CPNE4: variants seen among roughly 807,000 people sequenced by gnomAD.
The protein encoded by CPNE4 is copine 4, also known as copine-4.
CPNE4 carries 25 observed loss-of-function variants against 67.9 expected under a neutral mutation model. The observed-to-expected ratio is 0.37, with a 90% CI of 0.27 to 0.51. The LOEUF (loss-of-function observed/expected upper bound fraction) is 0.51. Among genes scored for constraint, CPNE4 ranks in the 20% least tolerant of loss-of-function variants. CPNE4 has a pLI of 0.93. For synonymous variants in CPNE4, 242 were observed against 244.9 expected (o/e 0.99, Z 0.11); for missense variants, 464 against 690.8 (o/e 0.67, Z 3.68).
intron 7 of CPNE4, among the ~76,000 whole-genome samples, chr3:131,614,221 C>T (rs750950753): frequency 8.5e-5 from 13 of 152,170 alleles, no homozygotes; most frequent in Non-Finnish European, 2.9e-5. Context: ...ATTCATTAAA[C>T]CCAACATGTC....
intron 2 of CPNE4, among the ~76,000 whole-genome samples, chr3:131,890,849 C>T (rs2088085867): frequency 1.3e-5 from 2 of 152,068 alleles, no homozygotes; most frequent in Admixed American, 1.3e-4. Context: ...AAGCCAGTCA[C>T]AGGACAAACA....
chr3:131,680,567 C>T (rs1038244653), intron 6 of CPNE4, among the ~76,000 whole-genome samples: 2 of 151,790 alleles, frequency 1.3e-5, no homozygotes, highest in Non-Finnish European at 1.5e-5. Flanking sequence ...TTTTAATTTC[C>T]TTTCATAGAA....
chr3:131,680,390 C>G (rs1249083331), intron 6 of CPNE4, among the ~76,000 whole-genome samples: 4 of 151,720 alleles, frequency 2.6e-5, no homozygotes, highest in Non-Finnish European at 5.9e-5. Context: ...CAACTGACAA[C>G]AACTCAACAC....
chr3:131,637,071 A>G (rs1326583960), intron 7 of CPNE4, among the ~76,000 whole-genome samples: 2 of 152,194 alleles, frequency 1.3e-5, no homozygotes, highest in Non-Finnish European at 2.9e-5. Flanking sequence ...TTCCTCTGAC[A>G]TAGTCTACCC....
intron 3 of CPNE4, among the ~76,000 whole-genome samples, chr3:131,708,534 T>A (rs79369566): frequency 0.14 from 20,777 of 151,996 alleles, 1,640 homozygotes; most frequent in African/African-American, 0.2. Context: ...AGTGAGGCAG[T>A]CTTCCAAGCT....
intron 2 of CPNE4, among the ~76,000 whole-genome samples, chr3:131,801,405 TAC>T (rs1491149576): frequency 4.7e-5 from 5 of 107,022 alleles, no homozygotes; most frequent in African/African-American, 3.5e-5. Flanking sequence ...TATATATAGG[TAC>T]ATATATACGT....
intron 1 of CPNE4, among the ~76,000 whole-genome samples, chr3:131,932,975 T>G (rs2071115463): frequency 6.6e-6 from 1 of 152,106 alleles, no homozygotes; most frequent in Admixed American, 6.5e-5. Flanking sequence ...GAGCCATGAT[T>G]GTGCTCCTGG....
intron 2 of CPNE4, among the ~76,000 whole-genome samples, chr3:131,845,567 A>G (rs1347523270): frequency 1.3e-5 from 2 of 152,210 alleles, no homozygotes; most frequent in African/African-American, 2.4e-5. Context: ...GAAACATGCC[A>G]TACCTTTGAG....
At chr3:131,649,937 G>A (rs1475272602) in intron 7 of CPNE4, among the ~76,000 whole-genome samples, 1 of 152,158 alleles carries the variant, frequency 6.6e-6, no homozygotes, top group East Asian at 1.9e-4. Context: ...TAGGTGTCAG[G>A]TAGGCTGCAT....
intron 12 of CPNE4, 61 bp downstream of exon 12, chr3:131,555,436 A>C: frequency 6.8e-7 from 1 of 1,476,092 alleles, no homozygotes; most frequent in Non-Finnish European, 9.4e-7. Flanking sequence ...GCTGCAAAGA[A>C]GAGCCAAGTT....
Position 131,806,987 on chromosome 3 carries a change from GAGAA to G in CPNE4, c.181-83366_181-83363del, listed in dbSNP as rs1339594457. Among the ~76,000 whole-genome samples the G allele has an allele frequency of 3.3e-5, 5 of 152,318 alleles. No homozygotes were observed. The East Asian group carries it at 9.6e-4, about 29-fold the overall frequency. ...CACACTAGAGGTTTACCAGGATTAGGAGAAAGAGATAAGAGAAAGAGAAAGGTAT... is the reference window on the plus strand; with the variant it reads ...CACACTAGAGGTTTACCAGGATTAGGAGAGATAAGAGAAAGAGAAAGGTAT... On this transcript the variant is annotated intron_variant, in intron 2 of 15. Transcript: ENST00000429747.
At chr3:131,867,486 T>C (rs545220493) in intron 2 of CPNE4, among the ~76,000 whole-genome samples, 3 of 151,392 alleles carry the variant, frequency 2.0e-5, no homozygotes, top group Admixed American at 6.6e-5. Context: ...AATGAGCCAC[T>C]GTGAATTTTA....
intron 2 of CPNE4, among the ~76,000 whole-genome samples, chr3:131,773,243 T>A (rs2083211047): frequency 6.6e-6 from 1 of 152,166 alleles, no homozygotes; most frequent in African/African-American, 2.4e-5. Flanking sequence ...AAGGAAAGAT[T>A]TAGCTGCCAT....
chr3:131,628,730 G>C (rs1481661773), intron 7 of CPNE4, among the ~76,000 whole-genome samples: 4 of 151,294 alleles, frequency 2.6e-5, no homozygotes, highest in Admixed American at 1.3e-4. Flanking sequence ...ATTTCTGTGG[G>C]ATCAGTGGTG....
chr3:131,823,092 G>C (rs748132532), intron 2 of CPNE4, among the ~76,000 whole-genome samples: 2 of 152,198 alleles, frequency 1.3e-5, no homozygotes, highest in African/African-American at 4.8e-5. Context: ...GCCTGCCTCA[G>C]CCTCCCAAAG....
At chr3:131,656,712 A>G (rs145084752) in intron 7 of CPNE4, among the ~76,000 whole-genome samples, 1 of 152,228 alleles carries the variant, frequency 6.6e-6, no homozygotes, top group Non-Finnish European at 1.5e-5. Flanking sequence ...GACTCAAACT[A>G]TAAACATGTA....
chr3:131,901,011 A>G (rs2088533107), intron 2 of CPNE4, among the ~76,000 whole-genome samples: 1 of 152,144 alleles, frequency 6.6e-6, no homozygotes, highest in South Asian at 2.1e-4. Context: ...AACCACCTAG[A>G]AGTTTGGAGT....
At chr3:131,827,063 C>A (rs997363869) in intron 2 of CPNE4, among the ~76,000 whole-genome samples, 6 of 151,672 alleles carry the variant, frequency 4.0e-5, no homozygotes, top group Admixed American at 6.6e-5. Flanking sequence ...CAAAAAAAAA[C>A]AAAACAAAAC....
At chr3:131,667,254 T>C (rs2080288445) in intron 7 of CPNE4, among the ~76,000 whole-genome samples, 1 of 151,948 alleles carries the variant, frequency 6.6e-6, no homozygotes, top group Admixed American at 6.6e-5. Context: ...ATTCTCTTCT[T>C]CTGATTTTGA....
Sources: gnomAD v4.1 joint callset for allele counts (sites outside exome capture counted in the v4.1 genomes callset) on GRCh38, gnomAD v4.1.1 for gene constraint, MANE v1.5 for transcripts, NCBI Gene and HGNC (gene_info 2026-07-23, HGNC 2026-07-21) for gene names.